PLB1: variants seen among roughly 807,000 people sequenced by gnomAD.
The protein encoded by PLB1 is phospholipase B1.
Under a neutral mutation model 227.4 loss-of-function variants are expected in PLB1, and 242 were observed. The ratio of observed to expected loss-of-function variants is 1.06; its 90% CI spans 0.96 to 1.18. The LOEUF (loss-of-function observed/expected upper bound fraction) is 1.18, where lower values mean the gene tolerates loss of function less well. PLB1 is among the 50% of genes most tolerant of loss of function. PLB1 has a pLI of 0.00. For synonymous variants in PLB1, 757 were observed against 682.2 expected, an observed-to-expected ratio of 1.11 and a Z score of -1.71; for missense variants, 1,858 against 1,816.3, an observed-to-expected ratio of 1.02 and a Z score of -0.42.
intron 40 of PLB1, among the ~76,000 whole-genome samples, chr2:28,604,315 C>G (rs893053462): frequency 6.6e-6 from 1 of 152,192 alleles, no homozygotes; most frequent in Non-Finnish European, 1.5e-5. Context: ...GGCCCGTAGC[C>G]CTGGATGCCT....
intron 14 of PLB1, among the ~76,000 whole-genome samples, chr2:28,543,651 G>T (rs1672820615): frequency 6.6e-6 from 1 of 152,202 alleles, no homozygotes; most frequent in Middle Eastern, 3.2e-3. Context: ...GGTTGTCAAG[G>T]CCCAAGGTGG....
At chr2:28,638,874 C>T (rs948708638) in intron 56 of PLB1, among the ~76,000 whole-genome samples, 61 of 144,830 alleles carry the variant, frequency 4.2e-4, no homozygotes, top group African/African-American at 1.5e-3. Flanking sequence ...GCATAGAGGG[C>T]CAATATGGTG....
At chr2:28,598,930 A>G (rs1009620798) in intron 35 of PLB1, among the ~76,000 whole-genome samples, 170 bp downstream of exon 35, 2 of 152,224 alleles carry the variant, frequency 1.3e-5, no homozygotes, top group Non-Finnish European at 2.9e-5. Flanking sequence ...AATAGGCCAG[A>G]GAGGCTGTGG....
intron 56 of PLB1, among the ~76,000 whole-genome samples, chr2:28,636,503 G>A (rs1244921693): frequency 9.2e-5 from 14 of 152,152 alleles, no homozygotes; most frequent in African/African-American, 2.9e-4. Flanking sequence ...AGGTATATAT[G>A]TGTCTACCAA....
At chr2:28,629,251 A>C in intron 53 of PLB1, 66 bp downstream of exon 53, 1 of 1,477,200 alleles carries the variant, frequency 6.8e-7, no homozygotes, top group Non-Finnish European at 9.3e-7. Context: ...CAGGTGCCAA[A>C]GGAGGAGACC....
At position 28,629,136 on chromosome 2, in the gene PLB1, G is replaced by C. The variant is rs781743273; in HGVS notation, c.3769G>C (p.Ala1257Pro). ...CAACGTGGTGGAGGTCATGGAGCTG[G>C]CTAGCCTGTACCAGGGCCAAGGCGG... is the stretch of plus-strand genomic sequence containing the variant. The part of the protein sequence containing the change: ...FVNVVEVMEL[A>P]SLYQGQGGKC... The change falls in exon 53 of 58, where the codon GCT becomes CCT. Residue 1257 changes from alanine (A) to proline (P), a missense_variant. Transcript: ENST00000327757. 6.2e-7 allele frequency: 1 copy of C among 1,613,786 alleles called. No homozygotes were observed. Among genetic ancestry groups the C allele is most frequent in the South Asian group, 1.1e-5 (1 of 91,046 alleles).
chr2:28,536,669 G>A (rs867813957), intron 9 of PLB1, among the ~76,000 whole-genome samples: 4 of 152,172 alleles, frequency 2.6e-5, no homozygotes, highest in African/African-American at 7.2e-5. Context: ...GGGGGCAAAC[G>A]ATACACATGG....
At position 28,543,336 on chromosome 2, in the gene PLB1, CCG is replaced by C. The variant is rs773302364; in HGVS notation, c.936+69_936+70del. ...AAGGTCTCCACCACCACTGAGCCCA[CCG>C]TGCTGAGGAGGGGCTGCAGGGCGCC... On this transcript the variant is annotated intron_variant, in intron 14 of 57. Transcript: ENST00000327757. The C allele has an allele frequency of 2.7e-4, 409 of 1,536,510 alleles. 3 individuals carry two copies. The Middle Eastern group carries it at 4.1e-3, about 16-fold the overall frequency.
At chr2:28,631,983 C>T (rs1688691447) in intron 54 of PLB1, 53 bp from the exon 55 acceptor site, 4 of 1,478,198 alleles carry the variant, frequency 2.7e-6, no homozygotes, top group African/African-American at 1.4e-5. Flanking sequence ...GGACTGGACC[C>T]TGTCTGTGCA....
intron 6 of PLB1, among the ~76,000 whole-genome samples, chr2:28,526,749 G>A (rs1268799946): frequency 1.3e-5 from 2 of 152,198 alleles, no homozygotes; most frequent in East Asian, 1.9e-4. Flanking sequence ...CTCCATGGGA[G>A]TAATGAACAA....
At chr2:28,641,115 T>C in intron 57 of PLB1, 114 bp downstream of exon 57, 1 of 945,800 alleles carries the variant, frequency 1.1e-6, no homozygotes. Context: ...GCGGCTTCAC[T>C]CACTGCCGTC....
chr2:28,567,631 A>G lies in PLB1; in HGVS notation c.1324+792A>G, dbSNP rs531723012. Among the ~76,000 whole-genome samples, 548 of 151,152 alleles carry G rather than the reference A, an allele frequency of 3.6e-3. 2 individuals are homozygous for G. The highest frequency in any genetic ancestry group is 6.9e-3 in the Admixed American group (105 of 15,206). On this transcript the variant is annotated intron_variant, in intron 20 of 57. Transcript: ENST00000327757. ...TGGGACTACAGGCCCCCGCCACCACACCCAGCTAATTTTTGTATTTTTAAT... is the reference window on the plus strand; with the variant it reads ...TGGGACTACAGGCCCCCGCCACCACGCCCAGCTAATTTTTGTATTTTTAAT...
intron 35 of PLB1, among the ~76,000 whole-genome samples, chr2:28,599,572 G>A (rs1320162091): frequency 6.6e-6 from 1 of 152,234 alleles, no homozygotes; most frequent in African/African-American, 2.4e-5. Context: ...TGAACAAGTG[G>A]AAGTGGGGAG....
At chr2:28,633,989 C>T (rs1313895494) in intron 56 of PLB1, among the ~76,000 whole-genome samples, 3 of 152,218 alleles carry the variant, frequency 2.0e-5, no homozygotes, top group Non-Finnish European at 2.9e-5. Context: ...GTCAGCTCAT[C>T]CAGTATGTCC....
intron 56 of PLB1, among the ~76,000 whole-genome samples, chr2:28,637,665 C>T (rs577166275): frequency 1.3e-5 from 2 of 152,324 alleles, no homozygotes; most frequent in East Asian, 1.9e-4. Context: ...GCGTCTGCCT[C>T]GCATGTTACA....
At chr2:28,614,480 A>T (rs1685910610) in intron 44 of PLB1, among the ~76,000 whole-genome samples, 1 of 151,742 alleles carries the variant, frequency 6.6e-6, no homozygotes. Context: ...AATTCTGGGG[A>T]TGGGACCCAA....
At chr2:28,623,064 A>G (rs956067243) in intron 49 of PLB1, among the ~76,000 whole-genome samples, 1 of 152,200 alleles carries the variant, frequency 6.6e-6, no homozygotes, top group African/African-American at 2.4e-5. Context: ...TACAATTAAG[A>G]GAACAGAAGA....
intron 24 of PLB1, 91 bp from the exon 25 acceptor site, chr2:28,582,314 T>TC: frequency 8.0e-7 from 1 of 1,245,538 alleles, no homozygotes; most frequent in South Asian, 1.3e-5. Flanking sequence ...AGTCCCTAGA[T>TC]CTGAAACTTC....
At chr2:28,572,906 T>A (rs1041611982) in intron 20 of PLB1, among the ~76,000 whole-genome samples, 1 of 152,212 alleles carries the variant, frequency 6.6e-6, no homozygotes, top group Admixed American at 6.5e-5. Flanking sequence ...GGTAAGTGAA[T>A]TATATCTCAG....
Sources: gnomAD v4.1 joint callset for allele counts (sites outside exome capture counted in the v4.1 genomes callset) on GRCh38, gnomAD v4.1.1 for gene constraint, MANE v1.5 for transcripts, NCBI Gene and HGNC (gene_info 2026-07-23, HGNC 2026-07-21) for gene names.